Variants in ADCY8 observed in about 807,000 individuals in gnomAD.
The protein encoded by ADCY8 is adenylate cyclase type 8.
Under a neutral mutation model 119.7 loss-of-function variants are expected in ADCY8, and 51 were observed. The observed-to-expected ratio is 0.43, with a 90% confidence interval of 0.34 to 0.54. The LOEUF (loss-of-function observed/expected upper bound fraction) is 0.54, where lower values mean the gene tolerates loss of function less well. Among genes scored for constraint, ADCY8 ranks in the 20% least tolerant of loss-of-function variants. The pLI, the probability that ADCY8 is intolerant of heterozygous loss-of-function variation, is 0.03. For synonymous variants in ADCY8, 665 were observed against 651.0 expected, an observed-to-expected ratio of 1.02 and a Z score of -0.33; for missense variants, 1,383 against 1,598.8, an observed-to-expected ratio of 0.87 and a Z score of 2.30.
chr8:130,979,679 A>C (rs111766701), intron 2 of ADCY8, among the ~76,000 whole-genome samples: 1,838 of 152,316 alleles, frequency 0.012, 47 homozygotes, highest in African/African-American at 0.042. Flanking sequence ...TTTAGCCTCT[A>C]TGTTTTTCAA....
chr8:130,822,965 A>T (rs1187094919), intron 12 of ADCY8, among the ~76,000 whole-genome samples: 1 of 152,186 alleles, frequency 6.6e-6, no homozygotes, highest in Admixed American at 6.6e-5. Context: ...CATCTTGCTC[A>T]TGGTGGTGGA....
chr8:130,917,307 C>A (rs1377318760), intron 5 of ADCY8, among the ~76,000 whole-genome samples: 1 of 152,152 alleles, frequency 6.6e-6, no homozygotes, highest in Non-Finnish European at 1.5e-5. Flanking sequence ...AGATCAAGTT[C>A]TGCATTCATG....
chr8:130,829,182 G>A (rs545562501), intron 12 of ADCY8, among the ~76,000 whole-genome samples: 1 of 152,164 alleles, frequency 6.6e-6, no homozygotes, highest in Non-Finnish European at 1.5e-5. Context: ...CCAGTTTATC[G>A]ATCTGGGTAG....
chr8:130,826,100 G>C (rs1386402153), intron 12 of ADCY8, among the ~76,000 whole-genome samples: 1 of 152,186 alleles, frequency 6.6e-6, no homozygotes, highest in Non-Finnish European at 1.5e-5. Context: ...AACATGGTTG[G>C]CATAAAGAAT....
chr8:131,027,470 G>T (rs1823856387), intron 1 of ADCY8, among the ~76,000 whole-genome samples: 1 of 152,222 alleles, frequency 6.6e-6, no homozygotes, highest in African/African-American at 2.4e-5. Flanking sequence ...ACTGGGGAGT[G>T]TTGGGGTGGT....
chr8:130,993,797 A>G (rs1822678585), intron 1 of ADCY8, among the ~76,000 whole-genome samples: 1 of 152,230 alleles, frequency 6.6e-6, no homozygotes, highest in Admixed American at 6.5e-5. Flanking sequence ...AGTCTCAGGT[A>G]TGTCTTTATC....
intron 7 of ADCY8, among the ~76,000 whole-genome samples, chr8:130,893,900 G>A (rs1819295495): frequency 6.6e-6 from 1 of 151,972 alleles, no homozygotes; most frequent in African/African-American, 2.4e-5. Context: ...ATGTTTGTGT[G>A]TGTGGTTGTG....
At position 130,903,915 on chromosome 8, in the gene ADCY8, G is replaced by T. The variant is rs777953798; in HGVS notation, c.1768C>A (p.Pro590Thr). 3 of 1,614,128 alleles carry T rather than the reference G, an allele frequency of 1.9e-6. No homozygotes were observed. The highest frequency in any genetic ancestry group is 1.7e-6 in the Non-Finnish European group (2 of 1,180,008). The change falls in exon 7 of 18, where the codon CCT (proline) becomes ACT (threonine). Residue 590 changes from proline to threonine, a missense_variant. Transcript: ENST00000286355. ...GGCAAGGACAGCAGACTGTCCTCAGGCTGCTTAATTAAGTAAGTTTCGATA... is the reference window on the plus strand; with the variant it reads ...GGCAAGGACAGCAGACTGTCCTCAGTCTGCTTAATTAAGTAAGTTTCGATA... ...HNIETYLIKQ[P>T]EDSLLSLPED...
At chr8:131,027,890 C>G (rs773560020) in intron 1 of ADCY8, among the ~76,000 whole-genome samples, 2 of 152,132 alleles carry the variant, frequency 1.3e-5, no homozygotes, top group Non-Finnish European at 1.5e-5. Flanking sequence ...CCTGGAGGAA[C>G]CTGAGAAAGA....
intron 6 of ADCY8, among the ~76,000 whole-genome samples, chr8:130,906,609 G>A (rs1679531237): frequency 6.6e-6 from 1 of 152,084 alleles, no homozygotes; most frequent in South Asian, 2.1e-4. Context: ...GAGCTTTGGG[G>A]TAAGACATTT....
chr8:131,015,052 G>A (rs1021720498), intron 1 of ADCY8, among the ~76,000 whole-genome samples: 2 of 152,160 alleles, frequency 1.3e-5, no homozygotes, highest in Non-Finnish European at 2.9e-5. Flanking sequence ...CAGGGCACAT[G>A]CTATTGGGTT....
At chr8:130,936,577 C>T (rs1820793844) in intron 5 of ADCY8, among the ~76,000 whole-genome samples, 1 of 152,148 alleles carries the variant, frequency 6.6e-6, no homozygotes, top group Non-Finnish European at 1.5e-5. Flanking sequence ...CTTCCAAGAT[C>T]CTGTCAATGT....
chr8:130,891,249 A>C (rs542651107), intron 7 of ADCY8, among the ~76,000 whole-genome samples: 1 of 152,238 alleles, frequency 6.6e-6, no homozygotes, highest in South Asian at 2.1e-4. Flanking sequence ...TCCACCTTTC[A>C]GTTCTTATGA....
chr8:130,898,774 A>G (rs1819495063), intron 7 of ADCY8, among the ~76,000 whole-genome samples: 1 of 152,194 alleles, frequency 6.6e-6, no homozygotes, highest in Admixed American at 6.5e-5. Context: ...TCCTACACAC[A>G]ATACATTTTT....
chr8:130,846,890 T>TTCCTTCCTGCCTGCCTGCCTG (rs1563689847), intron 11 of ADCY8, among the ~76,000 whole-genome samples: 26 of 25,978 alleles, frequency 1.0e-3, no homozygotes, highest in African/African-American at 3.7e-3. Flanking sequence ...CCCTTCCCTT[T>TTCCTTCCTGCCTGCCTGCCTG]CCTTCCTTCC....
At chr8:130,950,260 A>G (rs1353049479) in intron 3 of ADCY8, among the ~76,000 whole-genome samples, 1 of 152,238 alleles carries the variant, frequency 6.6e-6, no homozygotes, top group Non-Finnish European at 1.5e-5. Context: ...AAAATGCCAG[A>G]GACTTGCTTT....
At position 130,814,125 on chromosome 8, in the gene ADCY8, T is replaced by A; in HGVS notation, c.2857A>T (p.Asn953Tyr). The change falls in exon 14 of 18, where the codon AAT (asparagine) becomes TAT (tyrosine). Residue 953 changes from asparagine to tyrosine, a missense_variant. By Grantham distance (143) the Asn-to-Tyr change is moderately radical. Around this residue, in one of 2 missense-constraint regions of ADCY8, gnomAD observed 928 missense variants for 1,163.5 expected, o/e 0.80. Coordinates refer to ENST00000286355, the MANE Select transcript of ADCY8 (RefSeq NM_001115.3). ...LREHNENMLR[N>Y]ILPSHVARHF... is the part of the protein sequence containing the mutation. ...CGGGCCACATGGCTGGGTAAGATAT[T>A]CCGGAGCATGTTCTCATTGTGTTCC... The A allele has an allele frequency of 6.2e-7, 1 of 1,614,170 alleles. No homozygotes were observed. Among genetic ancestry groups the A allele is most frequent in the Non-Finnish European group, 8.5e-7 (1 of 1,180,028 alleles).
intron 6 of ADCY8, among the ~76,000 whole-genome samples, chr8:130,905,217 A>G (rs1563722750): frequency 6.6e-6 from 1 of 152,222 alleles, no homozygotes; most frequent in Non-Finnish European, 1.5e-5. Flanking sequence ...TTGTCATCAT[A>G]TTACTGTTGT....
intron 12 of ADCY8, among the ~76,000 whole-genome samples, chr8:130,822,153 C>G (rs188175075): frequency 3.9e-4 from 59 of 152,164 alleles, no homozygotes; most frequent in Non-Finnish European, 6.3e-4. Flanking sequence ...ATGATAAACT[C>G]CGTGGAAAGG....
Sources: allele counts gnomAD v4.1 joint callset (sites outside exome capture counted in the v4.1 genomes callset), GRCh38; gene constraint gnomAD v4.1.1; regional missense constraint gnomAD v4.1.1; transcripts MANE v1.5; gene names NCBI Gene and HGNC (gene_info 2026-07-23, HGNC 2026-07-21).